The following CAST variants were observed in gnomAD, a reference collection of about 807,000 sequenced individuals.
The protein encoded by CAST is MIR583 host.
In CAST, 76 loss-of-function variants were observed where a neutral mutation model predicts 119.6. The observed-to-expected ratio is 0.64, with a 90% confidence interval of 0.53 to 0.77. CAST has a LOEUF of 0.77. Among genes scored for constraint, CAST ranks in the 30% least tolerant of loss-of-function variants. The pLI is 0.00. For synonymous variants in CAST, 319 were observed against 331.6 expected (o/e 0.96, Z 0.41); for missense variants, 953 against 946.5 (o/e 1.01, Z -0.09).
chr5:96,223,569 G>C, the CAST span, among the ~76,000 whole-genome samples: 1 of 152,158 alleles, frequency 6.6e-6, no homozygotes, highest in Admixed American at 6.5e-5. Flanking sequence ...ATCTTTGGAG[G>C]GACCATGGCC....
At chr5:96,345,326 A>AC in the CAST span, among the ~76,000 whole-genome samples, 6,991 of 152,202 alleles carry the variant, frequency 0.046, 535 homozygotes, top group African/African-American at 0.16. Context: ...CTTGCTTAAT[A>AC]CATGTGTTGG....
intron 1 of CAST, among the ~76,000 whole-genome samples, chr5:96,534,730 A>AAGGACG: frequency 1.0e-4 from 1 of 10,050 alleles, no homozygotes; most frequent in African/African-American, 2.6e-4. Flanking sequence ...AGAGAGAGAG[A>AAGGACG]GAGAGAGAGA....
At chr5:96,372,734 G>T in the CAST span, among the ~76,000 whole-genome samples, 1 of 152,100 alleles carries the variant, frequency 6.6e-6, no homozygotes, top group Admixed American at 6.5e-5. Context: ...CTTTCCTAAG[G>T]CTGCACCTTG....
At chr5:96,596,200 A>G (rs1747049550) in intron 1 of CAST, among the ~76,000 whole-genome samples, 1 of 152,228 alleles carries the variant, frequency 6.6e-6, no homozygotes, top group Non-Finnish European at 1.5e-5. Context: ...TGGATTAGCC[A>G]GGTAGGCCCA....
the CAST span, among the ~76,000 whole-genome samples, chr5:96,179,283 A>T: frequency 6.6e-6 from 1 of 152,168 alleles, no homozygotes; most frequent in Admixed American, 6.5e-5. Flanking sequence ...TTTACCTCTC[A>T]ATGAATATTC....
At chr5:96,065,936 A>G in the CAST span, among the ~76,000 whole-genome samples, 1 of 152,188 alleles carries the variant, frequency 6.6e-6, no homozygotes, top group African/African-American at 2.4e-5. Flanking sequence ...AGTTCAGTGG[A>G]GTCAGGAACT....
intron 16 of CAST, chr5:96,743,411 G>T: frequency 2.2e-6 from 1 of 464,564 alleles, no homozygotes. Context: ...GAGAGTTGCC[G>T]GTTCCTGACA....
At chr5:96,704,660 C>T (rs1754572912) in intron 3 of CAST, among the ~76,000 whole-genome samples, 1 of 152,072 alleles carries the variant, frequency 6.6e-6, no homozygotes, top group South Asian at 2.1e-4. Flanking sequence ...TTCATTATAC[C>T]TTATAATTCC....
chr5:96,567,001 A>G lies in CAST; in HGVS notation c.60+37121A>G, dbSNP rs558958475. Among the ~76,000 whole-genome samples the G allele has an allele frequency of 3.3e-5, 5 of 152,332 alleles. No individual in the cohort carries two copies. In the South Asian group the frequency reaches 1.0e-3, roughly 32 times the overall value. On this transcript the variant is annotated intron_variant, in intron 1 of 11. Coordinates refer to the CAST transcript ENST00000505143. ...AGCATTGGGTTCCTTTCATCTGCACAAGAAGGGCCACGAGGGCTGGTGTCA... is the reference window on the plus strand; with the variant it reads ...AGCATTGGGTTCCTTTCATCTGCACGAGAAGGGCCACGAGGGCTGGTGTCA...
At chr5:96,659,325 A>G (rs984189544), upstream of CAST, among the ~76,000 whole-genome samples, 1 of 152,218 alleles carries the variant, frequency 6.6e-6, no homozygotes, top group African/African-American at 2.4e-5. Flanking sequence ...AAAACACAGT[A>G]TCTGTGAAAT....
At chr5:96,553,772 A>C (rs939949149) in intron 1 of CAST, among the ~76,000 whole-genome samples, 1 of 152,218 alleles carries the variant, frequency 6.6e-6, no homozygotes, top group African/African-American at 2.4e-5. Flanking sequence ...AGACAAACAG[A>C]GAGCCAAATC....
At chr5:96,060,226 A>T in the CAST span, among the ~76,000 whole-genome samples, 1 of 152,142 alleles carries the variant, frequency 6.6e-6, no homozygotes, top group African/African-American at 2.4e-5. Context: ...ACCCTCTAAC[A>T]TTATATAGTC....
chr5:96,338,613 T>C, the CAST span, among the ~76,000 whole-genome samples: 2 of 152,212 alleles, frequency 1.3e-5, no homozygotes, highest in African/African-American at 4.8e-5. Flanking sequence ...TTTCAATAAG[T>C]AGAAATGTGA....
At chr5:96,749,878 G>A (rs1228066447) in intron 19 of CAST, among the ~76,000 whole-genome samples, 2 of 152,158 alleles carry the variant, frequency 1.3e-5, no homozygotes, top group African/African-American at 2.4e-5. Context: ...AAATAAGATG[G>A]GACAGTGGTT....
chr5:96,179,644 G>A, the CAST span, among the ~76,000 whole-genome samples: 1 of 152,220 alleles, frequency 6.6e-6, no homozygotes, highest in Non-Finnish European at 1.5e-5. Flanking sequence ...CTTGAGGGAG[G>A]AATAGGACAA....
At chr5:96,046,914 G>A in the CAST span, among the ~76,000 whole-genome samples, 3 of 152,206 alleles carry the variant, frequency 2.0e-5, no homozygotes, top group African/African-American at 4.8e-5. Context: ...TCATTATCAC[G>A]AGAATAGCAC....
At chr5:96,282,356 A>C in the CAST span, among the ~76,000 whole-genome samples, 1 of 152,214 alleles carries the variant, frequency 6.6e-6, no homozygotes, top group Non-Finnish European at 1.5e-5. Context: ...TACTTCCGCT[A>C]TCATTTCTGT....
At chr5:95,973,735 T>C in the CAST span, among the ~76,000 whole-genome samples, 2 of 152,242 alleles carry the variant, frequency 1.3e-5, no homozygotes, top group African/African-American at 4.8e-5. Flanking sequence ...TGTAGCTTTA[T>C]AGTATAATTA....
chr5:96,084,149 G>T, the CAST span, among the ~76,000 whole-genome samples: 6 of 152,134 alleles, frequency 3.9e-5, no homozygotes, highest in Non-Finnish European at 7.4e-5. Context: ...GTGAGCTAAT[G>T]ACATATGGCT....
Sources: allele counts gnomAD v4.1 joint callset (sites outside exome capture counted in the v4.1 genomes callset), GRCh38; gene constraint gnomAD v4.1.1; transcripts MANE v1.5; gene names NCBI Gene and HGNC (gene_info 2026-07-23, HGNC 2026-07-21).